The following NKAIN2 variants were observed in gnomAD, a reference collection of about 807,000 sequenced individuals.
The protein encoded by NKAIN2 is sodium/potassium transporting ATPase interacting 2.
Under a neutral mutation model 32.6 loss-of-function variants are expected in NKAIN2, and 14 were observed. The observed-to-expected ratio is 0.43, with a 90% CI of 0.28 to 0.67. The LOEUF (loss-of-function observed/expected upper bound fraction) is 0.67, where lower values mean the gene tolerates loss of function less well. Among genes scored for constraint, NKAIN2 ranks in the 30% least tolerant of loss-of-function variants. The pLI is 0.17. For missense variants in NKAIN2, 198 were observed against 258.3 expected (o/e 0.77, Z 1.60); for synonymous variants, 80 against 87.2 (o/e 0.92, Z 0.46).
intron 2 of NKAIN2, among the ~76,000 whole-genome samples, chr6:124,322,626 A>G (rs775474231): frequency 6.6e-6 from 1 of 152,114 alleles, no homozygotes; most frequent in Non-Finnish European, 1.5e-5. Context: ...TATTGAAACA[A>G]TTTGTTTAAA....
intron 1 of NKAIN2, among the ~76,000 whole-genome samples, chr6:124,218,103 G>A (rs1791585602): frequency 6.6e-6 from 1 of 151,078 alleles, no homozygotes; most frequent in African/African-American, 2.4e-5. Flanking sequence ...AAAAAAAAAA[G>A]TGGAAAAGGC....
intron 1 of NKAIN2, among the ~76,000 whole-genome samples, chr6:124,043,790 C>G (rs751608383): frequency 1.3e-5 from 2 of 152,084 alleles, no homozygotes; most frequent in Non-Finnish European, 2.9e-5. Flanking sequence ...GTACAGCACA[C>G]TGTGGCAGGC....
At chr6:123,909,082 AT>A (rs954281654) in intron 1 of NKAIN2, among the ~76,000 whole-genome samples, 23 of 151,894 alleles carry the variant, frequency 1.5e-4, no homozygotes, top group East Asian at 3.9e-4. Context: ...TATTCCAGTC[AT>A]TTTTTTTCTT....
At chr6:124,198,573 A>G (rs1486831252) in intron 1 of NKAIN2, among the ~76,000 whole-genome samples, 1 of 151,868 alleles carries the variant, frequency 6.6e-6, no homozygotes, top group Non-Finnish European at 1.5e-5. Flanking sequence ...TATAATCACA[A>G]TAACTCTGAG....
intron 3 of NKAIN2, among the ~76,000 whole-genome samples, chr6:124,605,565 CA>C (rs1782467277): frequency 1.3e-5 from 2 of 151,888 alleles, no homozygotes; most frequent in Admixed American, 1.3e-4. Context: ...TAAAATATGT[CA>C]AAATTAACAG....
chr6:124,625,841 T>TCAAA (rs915313577), intron 3 of NKAIN2, among the ~76,000 whole-genome samples: 55 of 150,654 alleles, frequency 3.7e-4, no homozygotes, highest in African/African-American at 1.3e-3. Context: ...AATGCCAGAG[T>TCAAA]CAAACAGTGT....
In NKAIN2 at chr6:124,645,451, G is replaced by T. The variant is rs1784134947; in HGVS notation, c.274-12735G>T. Reference sequence around the variant, plus strand: ...AAGATTAAATTAAAATTTGCATACTGAAAAATTAAAAACTGCATACTATGC... The same window carrying T: ...AAGATTAAATTAAAATTTGCATACTTAAAAATTAAAAACTGCATACTATGC... On this transcript the variant is annotated intron_variant, in intron 3 of 6. Transcript: ENST00000368417. Among the ~76,000 whole-genome samples the T allele has an allele frequency of 1.3e-5, 2 of 152,116 alleles. 1 individual carries two copies. Among genetic ancestry groups the T allele is most frequent in the South Asian group, 4.1e-4 (2 of 4,822 alleles).
chr6:124,024,243 A>G (rs187798752), intron 1 of NKAIN2, among the ~76,000 whole-genome samples: 2 of 152,290 alleles, frequency 1.3e-5, no homozygotes, highest in Admixed American at 6.5e-5. Context: ...TGATGAACAC[A>G]TATACCTATC....
intron 1 of NKAIN2, among the ~76,000 whole-genome samples, chr6:124,064,257 C>T (rs1220855798): frequency 6.6e-6 from 1 of 152,112 alleles, no homozygotes; most frequent in Non-Finnish European, 1.5e-5. Flanking sequence ...CATATGATTA[C>T]AGATTATTCA....
intron 1 of NKAIN2, among the ~76,000 whole-genome samples, chr6:123,867,335 G>A (rs2114262884): frequency 6.6e-6 from 1 of 152,230 alleles, no homozygotes; most frequent in South Asian, 2.1e-4. Flanking sequence ...TATCATTTTT[G>A]GCTATGTTTA....
intron 1 of NKAIN2, among the ~76,000 whole-genome samples, chr6:124,259,764 A>T (rs1368387546): frequency 1.3e-5 from 2 of 151,730 alleles, no homozygotes; most frequent in East Asian, 3.9e-4. Flanking sequence ...GATGACTATT[A>T]TGGTGGTTCT....
In NKAIN2 at chr6:124,139,137, G is replaced by A. The variant is rs1404047623; in HGVS notation, c.55-143868G>A. On this transcript the variant is annotated intron_variant, in intron 1 of 6. Transcript: ENST00000368417. Reference sequence around the variant, plus strand: ...CGCTCTGTCGCCCAGGCCGGACTGCGGACTGCAGTGGCGCAATCTCGGCTC... The same window carrying A: ...CGCTCTGTCGCCCAGGCCGGACTGCAGACTGCAGTGGCGCAATCTCGGCTC... 3.1e-5 allele frequency among the ~76,000 whole-genome samples: 4 copies of A among 129,026 alleles called. No individual in the cohort carries two copies. In the South Asian group the frequency reaches 7.7e-4, roughly 25 times the overall value. 84.6% of individuals were successfully genotyped at this position (129,026 alleles called of 152,430 possible). A position where few individuals can be genotyped will look rare whatever the true frequency, so the allele number is the denominator to read the frequency against.
At chr6:124,590,894 A>G (rs1329179075) in intron 3 of NKAIN2, among the ~76,000 whole-genome samples, 1 of 152,230 alleles carries the variant, frequency 6.6e-6, no homozygotes, top group Non-Finnish European at 1.5e-5. Flanking sequence ...CCAGATTTCA[A>G]AGTGGATCAA....
rs145820992 is a variant in NKAIN2, at chr6:124,220,094, G to C, written c.55-62911G>C. ...GAATTGTAATTCCCAGGTGTTGAGG[G>C]AGAGACCTGGAGGGAGGTTATTAGA... On this transcript the variant is annotated intron_variant, in intron 1 of 6. Coordinates refer to ENST00000368417, the MANE Select transcript of NKAIN2 (RefSeq NM_001040214.3). Among the ~76,000 whole-genome samples the C allele has an allele frequency of 1.1e-3, 174 of 152,184 alleles. 1 individual carries two copies. The highest frequency in any genetic ancestry group is 4.0e-3 in the African/African-American group (166 of 41,538).
intron 4 of NKAIN2, among the ~76,000 whole-genome samples, chr6:124,744,395 C>T (rs547332602): frequency 6.6e-6 from 1 of 152,000 alleles, no homozygotes; most frequent in African/African-American, 2.4e-5. Context: ...TAGTTACTTA[C>T]ATTCTCATAA....
chr6:124,412,263 A>T (rs149192958), intron 3 of NKAIN2, among the ~76,000 whole-genome samples: 1 of 151,614 alleles, frequency 6.6e-6, no homozygotes, highest in African/African-American at 2.4e-5. Flanking sequence ...TGAATTTTAG[A>T]GTTTCTGGTT....
intron 1 of NKAIN2, among the ~76,000 whole-genome samples, chr6:124,273,381 C>A (rs145367990): frequency 2.2e-3 from 338 of 152,234 alleles, no homozygotes; most frequent in African/African-American, 7.7e-3. Context: ...CCATGTAAGA[C>A]ATGCCTTGCT....
At chr6:123,830,868 C>G (rs11154190) in intron 1 of NKAIN2, among the ~76,000 whole-genome samples, 1 of 152,024 alleles carries the variant, frequency 6.6e-6, no homozygotes, top group African/African-American at 2.4e-5. Flanking sequence ...CAGTGACTGA[C>G]GAATGAATGA....
chr6:123,993,435 G>C (rs1779493524), intron 1 of NKAIN2, among the ~76,000 whole-genome samples: 1 of 151,932 alleles, frequency 6.6e-6, no homozygotes, highest in Non-Finnish European at 1.5e-5. Context: ...TTTTTTGTTT[G>C]TTTAGATGTT....
Sources: allele counts gnomAD v4.1 joint callset (sites outside exome capture counted in the v4.1 genomes callset), GRCh38; gene constraint gnomAD v4.1.1; transcripts MANE v1.5; gene names NCBI Gene and HGNC (gene_info 2026-07-23, HGNC 2026-07-21).